Variants in IL36A observed in about 807,000 individuals in gnomAD.
IL36A encodes interleukin-36 alpha.
A neutral mutation model predicts 12.7 loss-of-function variants in IL36A; 13 were observed. The ratio of observed to expected loss-of-function variants is 1.02; its 90% CI spans 0.67 to 1.63. The LOEUF (loss-of-function observed/expected upper bound fraction) is 1.63. Ranked by LOEUF, IL36A falls within the 40% of genes most tolerant of loss-of-function variation. The pLI, the probability that IL36A is intolerant of heterozygous loss-of-function variation, is 0.00. For synonymous variants in IL36A, 73 were observed against 71.9 expected (o/e 1.01, Z -0.08); for missense variants, 195 against 192.9 (o/e 1.01, Z -0.07).
At position 113,007,979 on chromosome 2, in the gene IL36A, C is replaced by G. The variant is rs1409734818; in HGVS notation, c.412C>G (p.Leu138Val). The change falls in exon 4 of 4, where the codon CTC becomes GTC. Residue 138 changes from leucine to valine, a missense_variant. Leu to Val is a conservative substitution (Grantham distance 32). Coordinates refer to ENST00000259211, the MANE Select transcript of IL36A (RefSeq NM_014440.3). ...IAVSSEGGCPLILTQELGKAN... is the reference protein window; with the variant it reads ...IAVSSEGGCPVILTQELGKAN... ...TGTCAGCTCTGAAGGAGGCTGTCCT[C>G]TCATCCTTACCCAAGAACTGGGGAA... 1 of 1,614,118 alleles carries G rather than the reference C, an allele frequency of 6.2e-7. No homozygotes were observed. The highest frequency in any genetic ancestry group is 8.5e-7 in the Non-Finnish European group (1 of 1,180,052).
Position 113,006,020 on chromosome 2 carries a change from T to C in IL36A, c.57T>C (p.Asn19=), listed in dbSNP as rs777920919. The change falls in exon 2 of 4, where the codon AAT becomes AAC. Residue 19 remains asparagine (N), a synonymous_variant. Coordinates refer to ENST00000259211, the MANE Select transcript of IL36A (RefSeq NM_014440.3). ...TPQQGSIQDI[N]HRVWVLQDQT... ...AGCAGGGGAGCATTCAGGATATCAA[T>C]CATCGGGTGTGGGTTCTTCAGGACC... 3 of 1,614,012 alleles carry C rather than the reference T, an allele frequency of 1.9e-6. No homozygotes were observed. The highest frequency in any genetic ancestry group is 2.5e-6 in the Non-Finnish European group (3 of 1,180,000).
intron 3 of IL36A, 93 bp from the exon 4 acceptor site, chr2:113,007,739 A>T (rs1324293854): frequency 1.0e-6 from 1 of 992,302 alleles, no homozygotes; most frequent in Non-Finnish European, 1.6e-6. Context: ...TGAGTAGGGA[A>T]TGCTATCCTT....
At position 113,005,720 on chromosome 2, in the gene IL36A, A is replaced by T. The variant is rs1003192227; in HGVS notation, c.-152A>T. On this transcript the variant is annotated 5_prime_UTR_variant, in exon 1 of 4. Transcript: ENST00000259211. Reference sequence around the variant, plus strand: ...TGCTGGGTGAGTTCTGGGAGTATAGATTCTGACTGGGGTCACTGCTGGGCT... The same window carrying T: ...TGCTGGGTGAGTTCTGGGAGTATAGTTTCTGACTGGGGTCACTGCTGGGCT... The T allele has an allele frequency of 2.5e-6, 2 of 805,180 alleles. No individual in the cohort carries two copies. Among genetic ancestry groups the T allele is most frequent in the African/African-American group, 3.4e-5 (2 of 59,046 alleles). The allele number at this position is 805,180 out of a possible 1,614,324, so 49.9% of individuals were successfully genotyped here.
chr2:113,006,625 A>T lies in IL36A; in HGVS notation c.152A>T (p.His51Leu). The change falls in exon 3 of 4, where the codon CAT becomes CTT. Residue 51 changes from histidine (H) to leucine (L), a missense_variant. Transcript: ENST00000259211. ...PVTIALISCRHVETLEKDRGN... is the reference protein window; with the variant it reads ...PVTIALISCRLVETLEKDRGN... Reference sequence around the variant, plus strand: ...ACTATTGCCTTAATCTCATGCCGACATGTGGAGACCCTTGAGAAAGACAGA... The same window carrying T: ...ACTATTGCCTTAATCTCATGCCGACTTGTGGAGACCCTTGAGAAAGACAGA... 1 of 1,614,136 alleles carries T rather than the reference A, an allele frequency of 6.2e-7. No homozygotes were observed. Among genetic ancestry groups the T allele is most frequent in the Non-Finnish European group, 8.5e-7 (1 of 1,180,024 alleles).
Position 113,005,771 on chromosome 2 carries a change from G to C in IL36A, c.-101G>C, listed in dbSNP as rs1684600757. 7.5e-7 allele frequency: 1 copy of C among 1,329,578 alleles called. No homozygotes were observed. The highest frequency in any genetic ancestry group is 1.1e-6 in the Non-Finnish European group (1 of 920,678). 82.4% of individuals were successfully genotyped at this position (1,329,578 alleles called of 1,614,324 possible). A position where few individuals can be genotyped will look rare whatever the true frequency, so the allele number is the denominator to read the frequency against. ...GGCCGCCAGTCTTTCATCTGACCCA[G>C]GGTTAAACTGTGGCTTGGGACTGAC... On this transcript the variant is annotated 5_prime_UTR_variant, in exon 1 of 4. Coordinates refer to ENST00000259211, the MANE Select transcript of IL36A (RefSeq NM_014440.3).
chr2:113,006,806 A>T, intron 3 of IL36A, 69 bp downstream of exon 3: 1 of 1,539,218 alleles, frequency 6.5e-7, no homozygotes, highest in Non-Finnish European at 8.9e-7. Flanking sequence ...TTTAAAAGAC[A>T]ATGTACTTAT....
chr2:113,007,670 T>G (rs1684648990), intron 3 of IL36A, among the ~76,000 whole-genome samples, 162 bp from the exon 4 acceptor site: 1 of 152,186 alleles, frequency 6.6e-6, no homozygotes, highest in African/African-American at 2.4e-5. Context: ...CTTAAAAGAA[T>G]TTAATTTATA....
In IL36A at chr2:113,006,738, G is replaced by A. The variant is rs562098275; in HGVS notation, c.264+1G>A. ...GGACCAGCCCACACTGCAGCTGAAG[G>A]TGAGTGTGGAAGACAGGTCCTGCCA... is the stretch of plus-strand genomic sequence containing the variant. On this transcript the variant is annotated splice_donor_variant, in intron 3 of 3. Coordinates refer to ENST00000259211, the MANE Select transcript of IL36A (RefSeq NM_014440.3). LOFTEE classifies it high-confidence loss of function. The A allele has an allele frequency of 8.1e-6, 13 of 1,613,868 alleles. No homozygotes were observed. The highest frequency in any genetic ancestry group is 1.1e-5 in the Non-Finnish European group (13 of 1,179,918).
At chr2:113,006,545 G>A (rs894273884) in intron 2 of IL36A, 53 bp from the exon 3 acceptor site, 3 of 1,607,550 alleles carry the variant, frequency 1.9e-6, no homozygotes, top group Non-Finnish European at 2.6e-6. Context: ...CTGGCTCAGA[G>A]GTACCACCCT....
At chr2:113,007,067 A>C (rs1684638855) in intron 3 of IL36A, among the ~76,000 whole-genome samples, 2 of 152,206 alleles carry the variant, frequency 1.3e-5, no homozygotes, top group Admixed American at 1.3e-4. Flanking sequence ...TCTTTTTGGC[A>C]AAAAATACAT....
At chr2:113,005,917 G>C (rs1426045081) in intron 1 of IL36A, 36 bp downstream of exon 1, 1 of 1,613,594 alleles carries the variant, frequency 6.2e-7, no homozygotes, top group Non-Finnish European at 8.5e-7. Context: ...AAATTGACAA[G>C]GGGGTGATAT....
intron 3 of IL36A, among the ~76,000 whole-genome samples, chr2:113,007,051 A>G (rs1189841963): frequency 6.6e-6 from 1 of 152,238 alleles, no homozygotes; most frequent in African/African-American, 2.4e-5. Flanking sequence ...CGAACTTATT[A>G]AAACATCTTT....
intron 3 of IL36A, among the ~76,000 whole-genome samples, 165 bp downstream of exon 3, chr2:113,006,902 C>A (rs961183305): frequency 2.0e-5 from 3 of 152,132 alleles, no homozygotes; most frequent in African/African-American, 7.2e-5. Context: ...CATTTTGAAA[C>A]AAACCTACTA....
chr2:113,007,910 A>T lies in IL36A; in HGVS notation c.343A>T (p.Asn115Tyr). The change falls in exon 4 of 4, where the codon AAC becomes TAC. Residue 115 changes from asparagine (N) to tyrosine (Y), a missense_variant. By Grantham distance (143) the Asn-to-Tyr change is moderately radical. Transcript: ENST00000259211. ...CTTCTACCACAGCCAGAGTGGCAGG[A>T]ACTCCACCTTCGAGTCTGTGGCTTT... Reference protein sequence around the residue: ...FLFYHSQSGRNSTFESVAFPG... With the variant: ...FLFYHSQSGRYSTFESVAFPG... The T allele has an allele frequency of 3.7e-6, 6 of 1,613,798 alleles. No individual in the cohort carries two copies. In the South Asian group the frequency reaches 6.6e-5, roughly 18 times the overall value.
rs549396308 is a variant in IL36A at position 113,005,772 on chromosome 2, G to C, written c.-100G>C. 5 of 1,341,360 alleles carry C rather than the reference G, an allele frequency of 3.7e-6. No homozygotes were observed. The highest frequency in any genetic ancestry group is 1.7e-5 in the Admixed American group (1 of 59,596). The allele number at this position is 1,341,360 out of a possible 1,614,324, so 83.1% of individuals were successfully genotyped here. On this transcript the variant is annotated 5_prime_UTR_variant, in exon 1 of 4. Coordinates refer to ENST00000259211, the MANE Select transcript of IL36A (RefSeq NM_014440.3). ...GCCGCCAGTCTTTCATCTGACCCAG[G>C]GTTAAACTGTGGCTTGGGACTGACT... is the stretch of plus-strand genomic sequence containing the variant.
chr2:113,008,162 C>T, downstream of IL36A: 1 of 819,000 alleles, frequency 1.2e-6, no homozygotes, highest in Non-Finnish European at 2.0e-6. Context: ...CTTGCTGCCT[C>T]CCAATATATT....
At chr2:113,010,642 C>T (rs193249036), downstream of IL36A, among the ~76,000 whole-genome samples, 1 of 152,256 alleles carries the variant, frequency 6.6e-6, no homozygotes, top group East Asian at 1.9e-4. Flanking sequence ...TGTTTTTATT[C>T]TCCTTTATTT....
Position 113,005,856 on chromosome 2 carries a change from AAAC to A in IL36A, c.-11_-9del, listed in dbSNP as rs1175688982. 6.2e-7 allele frequency: 1 copy of A among 1,614,048 alleles called. No individual in the cohort carries two copies. Among genetic ancestry groups the A allele is most frequent in the Non-Finnish European group, 8.5e-7 (1 of 1,180,010 alleles). On this transcript the variant is annotated 5_prime_UTR_variant, in exon 1 of 4. Coordinates refer to ENST00000259211, the MANE Select transcript of IL36A (RefSeq NM_014440.3). ...AGGACTCCTATCCTTGGCAGTTCTG[AAAC>A]AACACCACCACAATGGAAAAAGGTA...
chr2:113,007,722 G>C lies in IL36A; in HGVS notation c.265-110G>C, dbSNP rs1300497337. 4 of 827,492 alleles carry C rather than the reference G, an allele frequency of 4.8e-6. No individual in the cohort carries two copies. The East Asian group carries it at 9.9e-5, about 20-fold the overall frequency. The allele number at this position is 827,492 out of a possible 1,614,324, so 51.3% of individuals were successfully genotyped here. A position where few individuals can be genotyped will look rare whatever the true frequency, so the allele number is the denominator to read the frequency against. On this transcript the variant is annotated intron_variant, in intron 3 of 3. Transcript: ENST00000259211. ...AATATGAAACAGAGGTCTCCAAGCT[G>C]CTTCAATGAGTAGGGAATGCTATCC... is the stretch of plus-strand genomic sequence containing the variant.
Sources: allele counts gnomAD v4.1 joint callset (sites outside exome capture counted in the v4.1 genomes callset), GRCh38; gene constraint gnomAD v4.1.1; transcripts MANE v1.5; gene names NCBI Gene and HGNC (gene_info 2026-07-23, HGNC 2026-07-21).